The following FAM135B variants were observed in gnomAD, a reference collection of about 807,000 sequenced individuals.
FAM135B encodes the protein protein FAM135B.
FAM135B carries 43 observed loss-of-function variants against 127.7 expected under a neutral mutation model. The observed-to-expected ratio is 0.34, with a 90% CI of 0.26 to 0.43. FAM135B has a LOEUF of 0.43. Among genes scored for constraint, FAM135B ranks in the 20% least tolerant of loss-of-function variants. The pLI is 1.00. For synonymous variants in FAM135B, 670 were observed against 665.1 expected (o/e 1.01, Z -0.11); for missense variants, 1,558 against 1,725.6 (o/e 0.90, Z 1.72).
intron 1 of FAM135B, among the ~76,000 whole-genome samples, chr8:138,416,043 T>C (rs139905526): frequency 1.8e-4 from 27 of 152,268 alleles, no homozygotes; most frequent in African/African-American, 6.3e-4. Flanking sequence ...TGCCTGGTCC[T>C]CAATTTTTTG....
At chr8:138,340,074 CA>C (rs1828937630) in intron 2 of FAM135B, among the ~76,000 whole-genome samples, 1 of 152,192 alleles carries the variant, frequency 6.6e-6, no homozygotes, top group Non-Finnish European at 1.5e-5. Flanking sequence ...GGCAGGACTG[CA>C]GTCCTTCCCG....
chr8:138,389,062 TTAAAAA>T (rs1385847331), intron 1 of FAM135B, among the ~76,000 whole-genome samples: 1 of 152,174 alleles, frequency 6.6e-6, no homozygotes, highest in Non-Finnish European at 1.5e-5. Flanking sequence ...AAAACTGCTC[TTAAAAA>T]TAAAGTCTTT....
intron 2 of FAM135B, chr8:138,358,189 A>C (rs1402011109): frequency 6.6e-6 from 1 of 152,110 alleles, no homozygotes; most frequent in Non-Finnish European, 1.5e-5. Context: ...ATTACCTCCC[A>C]CCAGGTTCTT....
At position 138,494,320 on chromosome 8, in the gene FAM135B, C is replaced by T. The variant is rs546794163; in HGVS notation, c.-20+2351G>A. 2.0e-5 allele frequency among the ~76,000 whole-genome samples: 3 copies of T among 152,338 alleles called. No individual in the cohort carries two copies. The South Asian group carries it at 6.2e-4, about 32-fold the overall frequency. On this transcript the variant is annotated intron_variant, in intron 1 of 19. Transcript: ENST00000395297. ...CTCATTCAACAACCATTCATCATGG[C>T]CATGGCTGCACCAGGTGCTGCAGCC...
chr8:138,443,319 C>A (rs1239499031), intron 1 of FAM135B, among the ~76,000 whole-genome samples: 1 of 152,010 alleles, frequency 6.6e-6, no homozygotes, highest in Admixed American at 6.6e-5. Flanking sequence ...CTTTTTCTTT[C>A]TTTTTACCAG....
At chr8:138,239,773 G>A (rs112093421) in intron 7 of FAM135B, among the ~76,000 whole-genome samples, 7,328 of 152,194 alleles carry the variant, frequency 0.048, 210 homozygotes, top group East Asian at 0.14. Context: ...TGATAGACTG[G>A]ATTAAGAAAA....
chr8:138,264,810 G>C (rs1379700774), intron 4 of FAM135B, among the ~76,000 whole-genome samples: 2 of 152,144 alleles, frequency 1.3e-5, no homozygotes, highest in Non-Finnish European at 2.9e-5. Flanking sequence ...AGAGGAGAAA[G>C]ATAATAGATG....
chr8:138,138,852 G>T, intron 18 of FAM135B, 134 bp downstream of exon 18: 1 of 615,286 alleles, frequency 1.6e-6, no homozygotes, highest in Non-Finnish European at 2.9e-6. Flanking sequence ...ATGAGCCAAA[G>T]AGGCTTTGAG....
intron 14 of FAM135B, among the ~76,000 whole-genome samples, chr8:138,146,513 A>G (rs1336014570): frequency 6.6e-6 from 1 of 151,980 alleles, no homozygotes; most frequent in Non-Finnish European, 1.5e-5. Context: ...CTACCTCCCA[A>G]CTGGCCAATC....
chr8:138,440,148 T>C (rs559927739), intron 1 of FAM135B: 8 of 152,320 alleles, frequency 5.3e-5, no homozygotes, highest in African/African-American at 1.9e-4. Flanking sequence ...TAATGTTTTC[T>C]TTTGTGTTGA....
intron 3 of FAM135B, among the ~76,000 whole-genome samples, chr8:138,274,077 T>C (rs1023650622): frequency 6.6e-6 from 1 of 152,246 alleles, no homozygotes; most frequent in South Asian, 2.1e-4. Context: ...CCAAATATGT[T>C]CCTCCTCCTG....
intron 1 of FAM135B, among the ~76,000 whole-genome samples, chr8:138,371,497 T>C (rs1364671469): frequency 6.6e-6 from 1 of 152,144 alleles, no homozygotes; most frequent in African/African-American, 2.4e-5. Context: ...TCTGCCTCTG[T>C]AGGACTGAGT....
chr8:138,339,358 A>AATATATATATATATATATATATATAT (rs143774221), intron 2 of FAM135B, among the ~76,000 whole-genome samples: 193 of 147,660 alleles, frequency 1.3e-3, no homozygotes, highest in African/African-American at 4.8e-3. Flanking sequence ...AAACTAACTA[A>AATATATATATATATATATATATATAT]ATATATATAT....
chr8:138,429,483 C>T (rs1254861440), intron 1 of FAM135B, among the ~76,000 whole-genome samples: 1 of 152,148 alleles, frequency 6.6e-6, no homozygotes, highest in Non-Finnish European at 1.5e-5. Flanking sequence ...ACCTTCTTGG[C>T]ACGTAAAGGA....
At chr8:138,461,938 T>C (rs1007202203) in intron 1 of FAM135B, among the ~76,000 whole-genome samples, 1 of 151,960 alleles carries the variant, frequency 6.6e-6, no homozygotes, top group South Asian at 2.1e-4. Context: ...GTGGCTGTCA[T>C]CCTGCCCGAA....
intron 1 of FAM135B, among the ~76,000 whole-genome samples, chr8:138,397,389 T>C (rs957950601): frequency 6.6e-6 from 1 of 152,210 alleles, no homozygotes; most frequent in Non-Finnish European, 1.5e-5. Context: ...GGTTTCCTTT[T>C]AGAGTGATAA....
chr8:138,300,980 G>A (rs1019819635), intron 3 of FAM135B, among the ~76,000 whole-genome samples: 1 of 151,892 alleles, frequency 6.6e-6, no homozygotes, highest in Non-Finnish European at 1.5e-5. Flanking sequence ...TCCATCTCTC[G>A]ACTTTGTGAT....
chr8:138,248,418 A>C (rs1366971534), intron 6 of FAM135B, among the ~76,000 whole-genome samples: 1 of 152,206 alleles, frequency 6.6e-6, no homozygotes, highest in Non-Finnish European at 1.5e-5. Context: ...GCTAAAGCTT[A>C]GTGACACCCA....
chr8:138,382,443 C>T (rs1325825625), intron 1 of FAM135B, among the ~76,000 whole-genome samples: 1 of 152,074 alleles, frequency 6.6e-6, no homozygotes, highest in Admixed American at 6.6e-5. Context: ...CTCATAGTCT[C>T]ACAGGGATAT....
Sources: allele counts gnomAD v4.1 joint callset (sites outside exome capture counted in the v4.1 genomes callset), GRCh38; gene constraint gnomAD v4.1.1; transcripts MANE v1.5; gene names NCBI Gene and HGNC (gene_info 2026-07-23, HGNC 2026-07-21).